Variants in SIGLECL1 observed in about 807,000 individuals in gnomAD.
SIGLECL1 encodes SIGLEC family-like protein 1.
In SIGLECL1, 16 loss-of-function variants were observed where a neutral mutation model predicts 19.1. The ratio of observed to expected loss-of-function variants is 0.84; its 90% CI spans 0.57 to 1.27. SIGLECL1 has a LOEUF of 1.27. Among genes scored for constraint, SIGLECL1 ranks in the 50% most tolerant of loss-of-function variants. The probability of loss-of-function intolerance (pLI) is 0.00; values close to 1 mark genes in which losing one functional copy is unlikely to be tolerated. For synonymous variants in SIGLECL1, 89 were observed against 90.4 expected, an observed-to-expected ratio of 0.98 and a Z score of 0.09; for missense variants, 210 against 239.4, an observed-to-expected ratio of 0.88 and a Z score of 0.81.
At position 51,265,790 on chromosome 19, in the gene SIGLECL1, G is replaced by C; in HGVS notation, c.318G>C (p.Leu106Phe). ...SILLMSRKSS[L>F]AAQAFVKGLI... ...CTCTGCTTCCAGGAAAGAGTTCTTTGGCTGCCCAGGCCTTCGTGAAAGGGC... is the reference window on the plus strand; with the variant it reads ...CTCTGCTTCCAGGAAAGAGTTCTTTCGCTGCCCAGGCCTTCGTGAAAGGGC... Residue 106 changes from leucine to phenylalanine, a missense_variant, in exon 4 of 6, where the codon TTG becomes TTC. By Grantham distance (22) the Leu-to-Phe change is conservative. Transcript: ENST00000601727. The C allele has an allele frequency of 6.2e-7, 1 of 1,614,214 alleles. No homozygotes were observed. Among genetic ancestry groups the C allele is most frequent in the Non-Finnish European group, 8.5e-7 (1 of 1,180,046 alleles).
At chr19:51,248,559 G>A (rs140617834), upstream of SIGLECL1, among the ~76,000 whole-genome samples, 14 of 152,234 alleles carry the variant, frequency 9.2e-5, no homozygotes, top group East Asian at 2.5e-3. Flanking sequence ...AGCTGCTTCA[G>A]CTCCTCCAAG....
chr19:51,265,405 GA>G lies in SIGLECL1; in HGVS notation c.62del (p.Lys21ArgfsTer37). The G allele has an allele frequency of 6.2e-7, 1 of 1,613,856 alleles. No homozygotes were observed. Among genetic ancestry groups the G allele is most frequent in the African/African-American group, 1.3e-5 (1 of 75,056 alleles). On this transcript the variant is annotated frameshift_variant, in exon 3 of 6. Coordinates refer to ENST00000601727, the MANE Select transcript of SIGLECL1 (RefSeq NM_001385465.1). LOFTEE classifies it high-confidence loss of function. Reference protein sequence around the residue: ...KLLNSSCSLEKTLQCSCSFHG... With the variant: ...KLLNSSCSLEXTLQCSCSFHG... ...TGCTCAACTCCTCTTGCTCCTTGGA[GA>G]AGACACTGCAGTGCAGCTGTTCCTT...
At chr19:51,258,778 G>T (rs952037753) in intron 1 of SIGLECL1, among the ~76,000 whole-genome samples, 3 of 152,160 alleles carry the variant, frequency 2.0e-5, no homozygotes, top group African/African-American at 7.2e-5. Flanking sequence ...GAAATGAGAT[G>T]AGTTAAGTGG....
At position 51,267,415 on chromosome 19, in the gene SIGLECL1, G is replaced by C. The variant is rs369648100; in HGVS notation, c.453G>C (p.Ala151=). The change falls in exon 5 of 6, where the codon GCG becomes GCC. Residue 151 remains alanine, a synonymous_variant. Transcript: ENST00000601727. ...AGAAGCAGGCGAAGAAAGCTGCAGC[G>C]ATCAGAGCAAAAAAGAGCTCTAAAG... ...IRKKQAKKAA[A]IRAKKSSKVR... is the part of the protein sequence containing the mutation. The C allele has an allele frequency of 6.2e-7, 1 of 1,613,884 alleles. No homozygotes were observed. Among genetic ancestry groups the C allele is most frequent in the Non-Finnish European group, 8.5e-7 (1 of 1,180,014 alleles).
At chr19:51,248,015 G>A (rs922819716), upstream of SIGLECL1, among the ~76,000 whole-genome samples, 1 of 152,206 alleles carries the variant, frequency 6.6e-6, no homozygotes, top group Admixed American at 6.5e-5. Flanking sequence ...TAGGCCCAGA[G>A]CAAGGGCATG....
At chr19:51,262,277 T>C (rs949987466) in intron 1 of SIGLECL1, among the ~76,000 whole-genome samples, 2 of 152,232 alleles carry the variant, frequency 1.3e-5, no homozygotes, top group Non-Finnish European at 2.9e-5. Context: ...TGGTAGCTAC[T>C]AACTACATAT....
At chr19:51,268,432 G>A (rs1983838169) in intron 5 of SIGLECL1, 139 bp from the exon 6 acceptor site, 1 of 877,764 alleles carries the variant, frequency 1.1e-6, no homozygotes, top group Non-Finnish European at 1.9e-6. Flanking sequence ...GGGGTTGTGA[G>A]GAAGGGCTAA....
chr19:51,254,035 A>G (rs1982650040), intron 1 of SIGLECL1, among the ~76,000 whole-genome samples: 1 of 152,226 alleles, frequency 6.6e-6, no homozygotes, highest in African/African-American at 2.4e-5. Context: ...CAATTGATTC[A>G]CAGCAGGGCA....
rs569947197 is a variant in SIGLECL1 at position 51,264,310 on chromosome 19, G to A, written c.22+216G>A. 8.7e-5 allele frequency: 46 copies of A among 530,392 alleles called. 1 individual carries two copies. In the South Asian group the frequency reaches 9.9e-4, roughly 11 times the overall value. 32.9% of individuals were successfully genotyped at this position (530,392 alleles called of 1,614,324 possible). Reference sequence around the variant, plus strand: ...CAAATAGCAAATTGGGCAAGGGAGAGGGATGGAGAGTGTAGGTGCTATGAA... The same window carrying A: ...CAAATAGCAAATTGGGCAAGGGAGAAGGATGGAGAGTGTAGGTGCTATGAA... On this transcript the variant is annotated intron_variant, in intron 2 of 5. Transcript: ENST00000601727.
chr19:51,256,759 G>A (rs943904885), intron 1 of SIGLECL1, among the ~76,000 whole-genome samples: 4 of 152,092 alleles, frequency 2.6e-5, no homozygotes, highest in Admixed American at 1.3e-4. Context: ...ACATCAAAAC[G>A]TCATGTCGTA....
intron 1 of SIGLECL1, among the ~76,000 whole-genome samples, chr19:51,251,902 G>A (rs555689832): frequency 6.6e-6 from 1 of 152,334 alleles, no homozygotes; most frequent in South Asian, 2.1e-4. Context: ...ATACACAGAT[G>A]GAAGTGTGCT....
intron 1 of SIGLECL1, among the ~76,000 whole-genome samples, chr19:51,256,982 CATATTAT>C (rs1402306172): frequency 2.6e-5 from 4 of 152,066 alleles, no homozygotes; most frequent in Admixed American, 6.5e-5. Context: ...TACATATTTA[CATATTAT>C]ATATATAAAG....
chr19:51,265,906 C>T lies in SIGLECL1; in HGVS notation c.410+24C>T, dbSNP rs769104622. ...ATGTGAGTACTAGGGTTAATATTCA[C>T]CCGCAAGCCTACTACCGGGCAGGCC... On this transcript the variant is annotated intron_variant, in intron 4 of 5. Coordinates refer to ENST00000601727, the MANE Select transcript of SIGLECL1 (RefSeq NM_001385465.1). The T allele has an allele frequency of 1.3e-5, 21 of 1,611,140 alleles. No individual in the cohort carries two copies. The South Asian group carries it at 1.9e-4, about 14-fold the overall frequency.
intron 2 of SIGLECL1, among the ~76,000 whole-genome samples, chr19:51,265,037 T>C (rs1983534597): frequency 6.6e-6 from 1 of 152,130 alleles, no homozygotes; most frequent in African/African-American, 2.4e-5. Flanking sequence ...TCATAGAGCC[T>C]AAGAGGAACA....
intron 1 of SIGLECL1, among the ~76,000 whole-genome samples, chr19:51,253,242 TAAC>T (rs1309713469): frequency 6.6e-6 from 1 of 152,222 alleles, no homozygotes; most frequent in African/African-American, 2.4e-5. Flanking sequence ...CATTTAATCT[TAAC>T]AACAACTCTA....
At chr19:51,259,618 G>C (rs923655076) in intron 1 of SIGLECL1, among the ~76,000 whole-genome samples, 1 of 152,178 alleles carries the variant, frequency 6.6e-6, no homozygotes, top group Admixed American at 6.5e-5. Context: ...ATTGGGCTTT[G>C]AGTCTGCCCC....
At chr19:51,262,254 C>A (rs76705781) in intron 1 of SIGLECL1, among the ~76,000 whole-genome samples, 18 of 152,126 alleles carry the variant, frequency 1.2e-4, no homozygotes, top group Admixed American at 1.2e-3. Context: ...TTAAAGAATT[C>A]CACTGACCAA....
upstream of SIGLECL1, among the ~76,000 whole-genome samples, chr19:51,249,110 A>G (rs1982355595): frequency 6.6e-6 from 1 of 152,152 alleles, no homozygotes; most frequent in Admixed American, 6.6e-5. Context: ...GGGGATAATT[A>G]TGGCCTAGGG....
chr19:51,261,363 A>C (rs1007431046), intron 1 of SIGLECL1, among the ~76,000 whole-genome samples: 1 of 152,044 alleles, frequency 6.6e-6, no homozygotes, highest in Non-Finnish European at 1.5e-5. Flanking sequence ...ATCTCGGCTC[A>C]CTGCAAGCTC....
Sources: gnomAD v4.1 joint callset for allele counts (sites outside exome capture counted in the v4.1 genomes callset) on GRCh38, gnomAD v4.1.1 for gene constraint, MANE v1.5 for transcripts, NCBI Gene and HGNC (gene_info 2026-07-23, HGNC 2026-07-21) for gene names.